The following ETS1 variants were observed in gnomAD, a reference collection of about 807,000 sequenced individuals.
The protein encoded by ETS1 is ETS proto-oncogene 1, transcription factor.
Under a neutral mutation model 58.6 loss-of-function variants are expected in ETS1, and 15 were observed. That is an observed-to-expected ratio of 0.26 (90% CI 0.17 to 0.39). The LOEUF is 0.39. Ranked by LOEUF, ETS1 falls within the 10% of genes least tolerant of loss-of-function variation. The probability of loss-of-function intolerance (pLI) is 1.00; values close to 1 mark genes in which losing one functional copy is unlikely to be tolerated. For synonymous variants in ETS1, 214 were observed against 218.2 expected, an observed-to-expected ratio of 0.98 and a Z score of 0.17; for missense variants, 417 against 610.5, an observed-to-expected ratio of 0.68 and a Z score of 3.34.
rs569381939 is a variant in ETS1, at chr11:128,521,529, T to C, written c.215-30953A>G. Among the ~76,000 whole-genome samples, 69 of 150,928 alleles carry C rather than the reference T, an allele frequency of 4.6e-4. 2 individuals are homozygous for C. In the South Asian group the frequency reaches 0.014, roughly 30 times the overall value. ...CCTCAGTTCTATGGGGGACGTGGAG[T>C]CAGGCGATGATGTCCTCTGAGGCAG... On this transcript the variant is annotated intron_variant, in intron 3 of 9. Coordinates refer to ENST00000392668, the MANE Select transcript of ETS1 (RefSeq NM_001143820.2).
rs10542616 is a variant in ETS1, at chr11:128,544,340, AATAT to A, written c.214+11947_214+11950del. 2.7e-3 allele frequency among the ~76,000 whole-genome samples: 313 copies of A among 117,046 alleles called. 1 individual carries two copies. Among genetic ancestry groups the A allele is most frequent in the Admixed American group, 3.9e-3 (43 of 10,946 alleles). 76.8% of individuals were successfully genotyped at this position (117,046 alleles called of 152,430 possible). A position where few individuals can be genotyped will look rare whatever the true frequency, so the allele number is the denominator to read the frequency against. On this transcript the variant is annotated intron_variant, in intron 3 of 9. Transcript: ENST00000392668. ...ATGAAAAAGTGATTAATTGTTTACT[AATAT>A]ATATATATATATATATATATATATG...
rs1864985532 is a variant in ETS1 at position 128,585,149 on chromosome 11, AAAG to A, written c.-15+2336_-15+2338del. Among the ~76,000 whole-genome samples the A allele has an allele frequency of 2.3e-4, 9 of 39,384 alleles. No individual in the cohort carries two copies. The South Asian group carries it at 4.2e-3, about 18-fold the overall frequency. 25.8% of individuals were successfully genotyped at this position (39,384 alleles called of 152,430 possible). On this transcript the variant is annotated intron_variant, in intron 1 of 9. Coordinates refer to ENST00000392668, the MANE Select transcript of ETS1 (RefSeq NM_001143820.2). ...GAAGAAAGAAAGAAAAGAAAGAAAG[AAAG>A]AAAGAAAGAAAGAAAGAGAAAGAAA... is the stretch of plus-strand genomic sequence containing the variant.
chr11:128,542,218 C>T (rs1864067385), intron 3 of ETS1, among the ~76,000 whole-genome samples: 1 of 152,212 alleles, frequency 6.6e-6, no homozygotes, highest in African/African-American at 2.4e-5. Flanking sequence ...GATGGGCACA[C>T]AGACCAGGAA....
chr11:128,477,733 A>G (rs966494979), intron 8 of ETS1, among the ~76,000 whole-genome samples: 2 of 152,220 alleles, frequency 1.3e-5, no homozygotes, highest in Non-Finnish European at 2.9e-5. Context: ...GATATTTAAA[A>G]TATCTTGAAT....
intron 3 of ETS1, among the ~76,000 whole-genome samples, chr11:128,504,225 A>G (rs1863169004): frequency 6.6e-6 from 1 of 152,188 alleles, no homozygotes; most frequent in Non-Finnish European, 1.5e-5. Flanking sequence ...TACCTAATCT[A>G]TAATTTTGGC....
intron 2 of ETS1, among the ~76,000 whole-genome samples, chr11:128,564,133 A>G (rs775295530): frequency 1.2e-4 from 18 of 152,162 alleles, no homozygotes; most frequent in Admixed American, 5.2e-4. Context: ...TTCAGAGGGC[A>G]CGTTTGTTCT....
intron 8 of ETS1, among the ~76,000 whole-genome samples, chr11:128,479,649 G>C (rs945062314): frequency 2.6e-5 from 4 of 152,208 alleles, no homozygotes; most frequent in African/African-American, 9.6e-5. Flanking sequence ...AGCCGAGTAA[G>C]AGAAGGGGCA....
At chr11:128,526,603 TCAC>T (rs1863806488) in intron 3 of ETS1, 1 of 260,150 alleles carries the variant, frequency 3.8e-6, no homozygotes, top group Non-Finnish European at 7.6e-6. Flanking sequence ...AGAACAACTA[TCAC>T]CACATTTCAT....
At position 128,549,830 on chromosome 11, in the gene ETS1, C is replaced by A. The variant is rs1360786477; in HGVS notation, c.214+6461G>T. ...GGTGTGCAGCTCTTTCTGGCCCTCA[C>A]CAGGCTGGCCTCTCCTTTGGCTGGT... On this transcript the variant is annotated intron_variant, in intron 3 of 9. Coordinates refer to ENST00000392668, the MANE Select transcript of ETS1 (RefSeq NM_001143820.2). This position sits in a 1 kb window ranked among gnomAD's most constrained non-coding sequence, Gnocchi z 4.3. 6.6e-6 allele frequency among the ~76,000 whole-genome samples: 1 copy of A among 152,202 alleles called. No homozygotes were observed.
intron 1 of ETS1, among the ~76,000 whole-genome samples, chr11:128,580,848 T>C (rs1398274403): frequency 6.6e-6 from 1 of 152,222 alleles, no homozygotes; most frequent in Admixed American, 6.5e-5. Flanking sequence ...AAATGAGTCA[T>C]ATCCATCTCC....
At chr11:128,527,237 G>A (rs1354833698) in intron 3 of ETS1, 3 of 281,520 alleles carry the variant, frequency 1.1e-5, no homozygotes, top group Non-Finnish European at 2.1e-5. Context: ...AAGGGCCTGG[G>A]TTGGCTCTAT....
intron 2 of ETS1, among the ~76,000 whole-genome samples, chr11:128,562,524 G>C (rs924150741): frequency 4.6e-5 from 7 of 152,200 alleles, no homozygotes; most frequent in African/African-American, 1.7e-4. Flanking sequence ...GCAGTGGTGA[G>C]CCGTGGAGGA....
chr11:128,517,938 A>G (rs1863568613), intron 3 of ETS1, among the ~76,000 whole-genome samples: 1 of 152,216 alleles, frequency 6.6e-6, no homozygotes, highest in Admixed American at 6.5e-5. Flanking sequence ...CTGCCAACCA[A>G]ATAAATAAAT....
intron 3 of ETS1, among the ~76,000 whole-genome samples, chr11:128,545,855 T>C (rs1392188078): frequency 1.3e-5 from 2 of 152,262 alleles, no homozygotes; most frequent in East Asian, 3.8e-4. Context: ...GTTGGTTTTA[T>C]TGTTCAGAAA....
At chr11:128,521,687 A>G (rs117406260) in intron 3 of ETS1, among the ~76,000 whole-genome samples, 2,333 of 152,338 alleles carry the variant, frequency 0.015, 28 homozygotes, top group Non-Finnish European at 0.022. Flanking sequence ...ACAGCTGTGA[A>G]AATAAATACC....
chr11:128,513,492 T>C (rs1488456580), intron 3 of ETS1, among the ~76,000 whole-genome samples: 4 of 152,232 alleles, frequency 2.6e-5, no homozygotes, highest in African/African-American at 9.6e-5. Context: ...ATGCTGTTTA[T>C]TTCATACACA....
rs1287101822 is a variant in ETS1, at chr11:128,549,771, T to A, written c.214+6520A>T. Among the ~76,000 whole-genome samples, 1 of 152,172 alleles carries A rather than the reference T, an allele frequency of 6.6e-6. No homozygotes were observed. Among genetic ancestry groups the A allele is most frequent in the East Asian group, 1.9e-4 (1 of 5,188 alleles). ...CCTTCCTCGGGGCTGTTGGGGTCAC[T>A]CCTGAGAGCATGGGGTCTCTGGTCT... On this transcript the variant is annotated intron_variant, in intron 3 of 9. Coordinates refer to ENST00000392668, the MANE Select transcript of ETS1 (RefSeq NM_001143820.2). The surrounding 1 kb of genome is among the most constrained non-coding windows in gnomAD (Gnocchi z 4.3).
intron 3 of ETS1, among the ~76,000 whole-genome samples, chr11:128,502,273 G>A (rs7941606): frequency 0.26 from 38,972 of 152,104 alleles, 5,160 homozygotes; most frequent in South Asian, 0.36. Flanking sequence ...TCTTAGCCTA[G>A]AGGTTCTCTT....
At chr11:128,491,919 A>G (rs1283536503) in intron 3 of ETS1, among the ~76,000 whole-genome samples, 2 of 152,216 alleles carry the variant, frequency 1.3e-5, no homozygotes, top group Non-Finnish European at 2.9e-5. Context: ...TGCTATGTCC[A>G]TCCAGATCCT....
Sources: gnomAD v4.1 joint callset for allele counts (sites outside exome capture counted in the v4.1 genomes callset) on GRCh38, gnomAD v4.1.1 for gene constraint, Gnocchi (gnomAD v3.1) non-coding constraint, MANE v1.5 for transcripts, NCBI Gene and HGNC (gene_info 2026-07-23, HGNC 2026-07-21) for gene names.